PADI6: variants seen among roughly 807,000 people sequenced by gnomAD.
PADI6 encodes inactive protein-arginine deiminase type-6.
Under a neutral mutation model 78.2 loss-of-function variants are expected in PADI6, and 66 were observed. The observed-to-expected ratio is 0.84, with a 90% CI of 0.69 to 1.04. The LOEUF (loss-of-function observed/expected upper bound fraction) is 1.04. PADI6 is among the 50% of genes least tolerant of loss of function. The pLI is 0.00. For synonymous variants in PADI6, 397 were observed against 346.9 expected (o/e 1.14, Z -1.60); for missense variants, 854 against 866.1 (o/e 0.99, Z 0.18).
At position 17,372,296 on chromosome 1, in the gene PADI6, G is replaced by GT. The variant is rs751073868; in HGVS notation, c.52dup (p.Ser18PhefsTer50). 2 of 1,613,930 alleles carry GT rather than the reference G, an allele frequency of 1.2e-6. No individual in the cohort carries two copies. The highest frequency in any genetic ancestry group is 3.3e-5 in the Admixed American group (2 of 60,010). Reference sequence around the variant, plus strand: ...TGTCCTTCCAGAGTATCATCCACCTGTCCCTGGACAGCCCTGTCCATGCCG... The same window carrying GT: ...TGTCCTTCCAGAGTATCATCCACCTGTTCCCTGGACAGCCCTGTCCATGCCG... On this transcript the variant is annotated frameshift_variant, in exon 1 of 16. Transcript: ENST00000619609. LOFTEE classifies it high-confidence loss of function.
chr1:17,372,955 G>A, intron 1 of PADI6, 101 bp from the exon 2 acceptor site: 2 of 1,246,084 alleles, frequency 1.6e-6, no homozygotes, highest in Non-Finnish European at 2.2e-6. Flanking sequence ...ACACCCTAAG[G>A]AGAATGAGGA....
rs2075191978 is a variant in PADI6 at position 17,392,153 on chromosome 1, G to T, written c.1002G>T (p.Lys334Asn). 2.6e-6 allele frequency: 4 copies of T among 1,561,732 alleles called. No individual in the cohort carries two copies. Among genetic ancestry groups the T allele is most frequent in the Non-Finnish European group, 3.5e-6 (4 of 1,152,966 alleles). ...QLQGFVDTVT[K>N]LSEKSNSQVA... ...AGGGTTTTGTGGACACAGTGACGAA[G>T]CTGAGTGAGAAGAGCAACAGCCAGG... Residue 334 changes from lysine to asparagine, a missense_variant, in exon 9 of 16, where the codon AAG (lysine) becomes AAT (asparagine). Physicochemically the swap from Lys to Asn is moderately conservative, Grantham distance 94. Transcript: ENST00000619609.
chr1:17,383,764 C>T (rs1266590569), intron 6 of PADI6, among the ~76,000 whole-genome samples: 1 of 152,240 alleles, frequency 6.6e-6, no homozygotes, highest in East Asian at 1.9e-4. Flanking sequence ...TGCTTGAACC[C>T]GAAAGGCAGA....
At chr1:17,398,654 G>GCT in intron 14 of PADI6, 32 bp from the exon 15 acceptor site, 2 of 173,478 alleles carry the variant, frequency 1.2e-5, no homozygotes. Context: ...TTGCTCCCCC[G>GCT]CCCCCCCCCC....
chr1:17,382,451 A>C (rs1425637666), intron 6 of PADI6, among the ~76,000 whole-genome samples: 1 of 152,216 alleles, frequency 6.6e-6, no homozygotes, highest in Admixed American at 6.5e-5. Context: ...TCTCAGGAGA[A>C]TCCATCTTCA....
At chr1:17,384,336 G>A (rs1442313201) in intron 6 of PADI6, among the ~76,000 whole-genome samples, 3 of 150,356 alleles carry the variant, frequency 2.0e-5, no homozygotes, top group African/African-American at 7.3e-5. Flanking sequence ...GCTCACACCT[G>A]TAATCCCAGC....
chr1:17,392,306 C>A, intron 9 of PADI6, 81 bp downstream of exon 9: 3 of 1,072,942 alleles, frequency 2.8e-6, no homozygotes, highest in South Asian at 1.4e-5. Flanking sequence ...ACTTCACAGG[C>A]TTCTGGTTAA....
chr1:17,386,491 G>GC (rs1342204891), intron 6 of PADI6, among the ~76,000 whole-genome samples: 9 of 152,218 alleles, frequency 5.9e-5, no homozygotes, highest in African/African-American at 1.4e-4. Flanking sequence ...TAGGTGTGTG[G>GC]CACCTCTTGG....
chr1:17,391,081 A>G (rs1438552943), intron 8 of PADI6, among the ~76,000 whole-genome samples: 1 of 152,208 alleles, frequency 6.6e-6, no homozygotes, highest in South Asian at 2.1e-4. Flanking sequence ...CAGTAGTTAC[A>G]TTGCTGTATT....
At chr1:17,392,297 C>A in intron 9 of PADI6, 72 bp downstream of exon 9, 1 of 1,123,390 alleles carries the variant, frequency 8.9e-7, no homozygotes, top group South Asian at 1.4e-5. Context: ...CTAAGAGGAA[C>A]TTCACAGGCT....
intron 15 of PADI6, among the ~76,000 whole-genome samples, chr1:17,400,454 C>T (rs754201980): frequency 2.0e-5 from 3 of 152,134 alleles, no homozygotes; most frequent in Non-Finnish European, 2.9e-5. Context: ...TTGCAGTGAG[C>T]GGAGATCACC....
rs775818401 is a variant in PADI6, at chr1:17,388,374, C to T, written c.680-7C>T. On this transcript the variant is annotated splice_polypyrimidine_tract_variant and splice_region_variant and intron_variant, in intron 6 of 15. Transcript: ENST00000619609. ...AGTGGCTGGTCCATCCCTTCTTTCTCTCCTAGAAGACAACTCCAGTACCTT... is the reference window on the plus strand; with the variant it reads ...AGTGGCTGGTCCATCCCTTCTTTCTTTCCTAGAAGACAACTCCAGTACCTT... 3 of 1,606,236 alleles carry T rather than the reference C, an allele frequency of 1.9e-6. No individual in the cohort carries two copies. The highest frequency in any genetic ancestry group is 2.2e-5 in the South Asian group (2 of 89,862).
At position 17,401,515 on chromosome 1, in the gene PADI6, C is replaced by T; in HGVS notation, c.*77C>T. On this transcript the variant is annotated 3_prime_UTR_variant, in exon 16 of 16. Transcript: ENST00000619609. ...ACCATGCAACAGCATGATTCTTTGCCCAGTAGAGGAGGCTGGAGAGTCCAG... is the reference window on the plus strand; with the variant it reads ...ACCATGCAACAGCATGATTCTTTGCTCAGTAGAGGAGGCTGGAGAGTCCAG... 7.5e-7 allele frequency: 1 copy of T among 1,330,110 alleles called. No homozygotes were observed. The highest frequency in any genetic ancestry group is 2.0e-5 in the Admixed American group (1 of 49,812). 82.4% of individuals were successfully genotyped at this position (1,330,110 alleles called of 1,614,324 possible).
chr1:17,387,701 AG>A (rs1411681637), intron 6 of PADI6, among the ~76,000 whole-genome samples: 1 of 152,220 alleles, frequency 6.6e-6, no homozygotes, highest in Non-Finnish European at 1.5e-5. Flanking sequence ...CAGTGAGCTG[AG>A]ATCACGCCAC....
intron 1 of PADI6, 90 bp from the exon 2 acceptor site, chr1:17,372,966 T>C: frequency 7.5e-7 from 1 of 1,337,108 alleles, no homozygotes; most frequent in Non-Finnish European, 1.0e-6. Flanking sequence ...AGAATGAGGA[T>C]TCGGGAGCCG....
rs370012512 is a variant in PADI6 at position 17,373,116 on chromosome 1, T to C, written c.177T>C (p.Asp59=). 1.5e-4 allele frequency: 244 copies of C among 1,613,910 alleles called. No individual in the cohort carries two copies. In the Middle Eastern group the frequency reaches 2.0e-3, roughly 13 times the overall value. The change falls in exon 2 of 16, where the codon GAT becomes GAC. Residue 59 remains aspartate, a synonymous_variant. Coordinates refer to ENST00000619609, the MANE Select transcript of PADI6 (RefSeq NM_207421.4). ...ATGGCTCTGGGAGGGTCTTGATCGA[T>C]GTGGCCAACACGGTGATTTCTGAGA... ...TIHGSGRVLI[D]VANTVISEKE...
intron 15 of PADI6, among the ~76,000 whole-genome samples, chr1:17,399,607 C>G (rs372961887): frequency 6.6e-6 from 1 of 151,114 alleles, no homozygotes; most frequent in East Asian, 2.0e-4. Context: ...AATATTTATT[C>G]TGCTTGGCTG....
At chr1:17,399,305 A>AT (rs771125044) in intron 15 of PADI6, among the ~76,000 whole-genome samples, 13 of 152,194 alleles carry the variant, frequency 8.5e-5, no homozygotes, top group Non-Finnish European at 1.2e-4. Flanking sequence ...CAGCCCTTAA[A>AT]ATAACATTCT....
At chr1:17,392,379 T>A (rs1347379224) in intron 9 of PADI6, among the ~76,000 whole-genome samples, 154 bp downstream of exon 9, 1 of 152,214 alleles carries the variant, frequency 6.6e-6, no homozygotes, top group Non-Finnish European at 1.5e-5. Context: ...GAGGCTCAGA[T>A]GAGGATTTGC....
Sources: allele counts gnomAD v4.1 joint callset (sites outside exome capture counted in the v4.1 genomes callset), GRCh38; gene constraint gnomAD v4.1.1; transcripts MANE v1.5; gene names NCBI Gene and HGNC (gene_info 2026-07-23, HGNC 2026-07-21).